The following TIMP2 variants were observed in gnomAD, a reference collection of about 807,000 sequenced individuals.
TIMP2 encodes the protein metalloproteinase inhibitor 2.
TIMP2 carries 5 observed loss-of-function variants against 24.3 expected under a neutral mutation model. That is an observed-to-expected ratio of 0.21 (90% CI 0.11 to 0.43). The LOEUF is 0.43. TIMP2 is among the 20% of genes least tolerant of loss of function. TIMP2 has a pLI of 1.00. For missense variants in TIMP2, 221 were observed against 297.5 expected, an observed-to-expected ratio of 0.74 and a Z score of 1.89; for synonymous variants, 130 against 123.2, an observed-to-expected ratio of 1.06 and a Z score of -0.37.
intron 3 of TIMP2, among the ~76,000 whole-genome samples, chr17:78,868,225 G>C (rs2069635551): frequency 6.6e-6 from 1 of 152,020 alleles, no homozygotes; most frequent in Admixed American, 6.6e-5. Flanking sequence ...TACCAGGCTA[G>C]GGGAATTGTC....
chr17:78,905,935 T>C (rs2070154653), intron 1 of TIMP2, among the ~76,000 whole-genome samples: 1 of 152,352 alleles, frequency 6.6e-6, no homozygotes, highest in East Asian at 1.9e-4. Context: ...AAAGTGAATA[T>C]TGAAATAAAG....
intron 1 of TIMP2, among the ~76,000 whole-genome samples, chr17:78,918,067 C>CAA (rs1310268125): frequency 5.2e-5 from 6 of 115,654 alleles, no homozygotes; most frequent in African/African-American, 2.6e-4. Flanking sequence ...CACACACAAA[C>CAA]ACACACACAC....
intron 1 of TIMP2, among the ~76,000 whole-genome samples, chr17:78,895,139 G>A (rs2069978755): frequency 6.6e-6 from 1 of 152,052 alleles, no homozygotes; most frequent in South Asian, 2.1e-4. Flanking sequence ...AAATTAGCCG[G>A]GTGTGGTGGT....
intron 4 of TIMP2, 193 bp downstream of exon 4, chr17:78,857,329 G>A: frequency 1.4e-6 from 1 of 713,036 alleles, no homozygotes; most frequent in South Asian, 1.9e-5. Context: ...GGGCTCTCCA[G>A]GGACCAGGGG....
Position 78,874,014 on chromosome 17 carries a change from T to TG in TIMP2, c.131-96dup, listed in dbSNP as rs2069707957. The TG allele has an allele frequency of 1.4e-5, 16 of 1,179,016 alleles. No individual in the cohort carries two copies. In the Admixed American group the frequency reaches 2.6e-4, roughly 19 times the overall value. 73.0% of individuals were successfully genotyped at this position (1,179,016 alleles called of 1,614,324 possible). A position where few individuals can be genotyped will look rare whatever the true frequency, so the allele number is the denominator to read the frequency against. On this transcript the variant is annotated intron_variant, in intron 1 of 4. Transcript: ENST00000262768. Reference sequence around the variant, plus strand: ...AGACGTCCAGGCCTGCGGGAGGTGCTGGGGGGTTACAGACAGCAGCAAGGT... The same window carrying TG: ...AGACGTCCAGGCCTGCGGGAGGTGCTGGGGGGGTTACAGACAGCAGCAAGGT...
intron 1 of TIMP2, chr17:78,903,178 C>G (rs992494994): frequency 2.6e-5 from 4 of 152,664 alleles, no homozygotes; most frequent in Non-Finnish European, 5.9e-5. Context: ...TGCAGCCCGG[C>G]CTCTGCCCTG....
In TIMP2 at chr17:78,855,464, G is replaced by A. The variant is rs1195871387; in HGVS notation, c.*203C>T. The A allele has an allele frequency of 8.0e-6, 5 of 624,024 alleles. No individual in the cohort carries two copies. In the African/African-American group the frequency reaches 9.2e-5, roughly 11 times the overall value. The allele number at this position is 624,024 out of a possible 1,614,324, so 38.7% of individuals were successfully genotyped here. ...ACATAGTGCCTGGCAGAGGGAGGATGGGATGAGGACCTTGGACCCACGTCT... is the reference window on the plus strand; with the variant it reads ...ACATAGTGCCTGGCAGAGGGAGGATAGGATGAGGACCTTGGACCCACGTCT... On this transcript the variant is annotated 3_prime_UTR_variant, in exon 5 of 5. Transcript: ENST00000262768. The surrounding 1 kb of genome is among the most constrained non-coding windows in gnomAD (Gnocchi z 6.0).
At chr17:78,883,315 G>A (rs934083396) in intron 1 of TIMP2, among the ~76,000 whole-genome samples, 2 of 152,230 alleles carry the variant, frequency 1.3e-5, no homozygotes, top group Non-Finnish European at 2.9e-5. Flanking sequence ...GTTTGTGGGT[G>A]GCTGGGACAG....
intron 1 of TIMP2, chr17:78,901,373 C>T (rs74706050): frequency 0.046 from 10,364 of 226,762 alleles, 459 homozygotes; most frequent in African/African-American, 0.13. Context: ...AGGAGATGCA[C>T]GGGCTGAAGA....
At position 78,916,431 on chromosome 17, in the gene TIMP2, T is replaced by C. The variant is rs183268002; in HGVS notation, c.130+8528A>G. 3.3e-3 allele frequency among the ~76,000 whole-genome samples: 508 copies of C among 152,270 alleles called. 2 individuals carry two copies. Among genetic ancestry groups the C allele is most frequent in the African/African-American group, 0.012 (483 of 41,556 alleles). ...TCAAATCCCTCTCGCCGAGACTTTC[T>C]GGTCACCAGATTCCAGCAGAACTCA... On this transcript the variant is annotated intron_variant, in intron 1 of 4. Transcript: ENST00000262768.
At chr17:78,860,684 TG>T (rs2069560753) in intron 3 of TIMP2, among the ~76,000 whole-genome samples, 1 of 152,232 alleles carries the variant, frequency 6.6e-6, no homozygotes, top group Non-Finnish European at 1.5e-5. Context: ...GAATTACTCC[TG>T]TAACATTTAT....
chr17:78,907,594 G>C (rs1425248426), intron 1 of TIMP2, among the ~76,000 whole-genome samples: 3 of 152,166 alleles, frequency 2.0e-5, no homozygotes, highest in Admixed American at 6.5e-5. Context: ...GAAAAAGTTT[G>C]AAATATTGCA....
chr17:78,901,337 C>T lies in TIMP2; in HGVS notation c.130+23622G>A, dbSNP rs148627033. 432 of 167,142 alleles carry T rather than the reference C, an allele frequency of 2.6e-3. 2 individuals carry two copies. Among genetic ancestry groups the T allele is most frequent in the East Asian group, 5.2e-3 (29 of 5,624 alleles). The allele number at this position is 167,142 out of a possible 1,614,324, so 10.4% of individuals were successfully genotyped here. Reference sequence around the variant, plus strand: ...CCGTGATGAAATGATCAGGAATAAACCTGTCCAGAACTGTTCAAGACCTAA... The same window carrying T: ...CCGTGATGAAATGATCAGGAATAAATCTGTCCAGAACTGTTCAAGACCTAA... On this transcript the variant is annotated intron_variant, in intron 1 of 4. Transcript: ENST00000262768.
chr17:78,859,090 T>A (rs891156191), intron 3 of TIMP2, among the ~76,000 whole-genome samples: 1 of 152,190 alleles, frequency 6.6e-6, no homozygotes, highest in Non-Finnish European at 1.5e-5. Context: ...GCTTCTCCCA[T>A]TTGAGTTTAA....
intron 1 of TIMP2, among the ~76,000 whole-genome samples, chr17:78,916,924 G>C (rs1409113592): frequency 2.0e-5 from 3 of 152,174 alleles, no homozygotes; most frequent in Non-Finnish European, 4.4e-5. Context: ...CCACCCCTCA[G>C]GGCCCACAAT....
intron 1 of TIMP2, among the ~76,000 whole-genome samples, chr17:78,884,742 G>A (rs899187385): frequency 2.0e-5 from 3 of 152,190 alleles, no homozygotes; most frequent in African/African-American, 4.8e-5. Context: ...CCTCCGCCCC[G>A]TGTCTTCTTG....
rs771463708 is a variant in TIMP2, at chr17:78,902,383, C to T, written c.130+22576G>A. 1.1e-3 allele frequency among the ~76,000 whole-genome samples: 173 copies of T among 152,338 alleles called. 1 individual carries two copies. The highest frequency in any genetic ancestry group is 6.8e-3 in the Middle Eastern group (2 of 294). On this transcript the variant is annotated intron_variant, in intron 1 of 4. Transcript: ENST00000262768. Reference sequence around the variant, plus strand: ...TCGGCCTCCCAAAGTGCTGGGATTCCAGGCATGAGCCACCATGCCCAGCCT... The same window carrying T: ...TCGGCCTCCCAAAGTGCTGGGATTCTAGGCATGAGCCACCATGCCCAGCCT...
intron 3 of TIMP2, among the ~76,000 whole-genome samples, chr17:78,865,807 C>G (rs1022532583): frequency 4.6e-5 from 7 of 152,124 alleles, no homozygotes; most frequent in Admixed American, 1.3e-4. Flanking sequence ...AAAACAAAAA[C>G]AAACAGAGAG....
chr17:78,866,569 G>A (rs2069619491), intron 3 of TIMP2, among the ~76,000 whole-genome samples: 1 of 145,364 alleles, frequency 6.9e-6, no homozygotes, highest in Admixed American at 7.2e-5. Context: ...ATGAGAACAG[G>A]TCCCTGCAAA....
Sources: allele counts gnomAD v4.1 joint callset (sites outside exome capture counted in the v4.1 genomes callset), GRCh38; gene constraint gnomAD v4.1.1; non-coding constraint Gnocchi (gnomAD v3.1); transcripts MANE v1.5; gene names NCBI Gene and HGNC (gene_info 2026-07-23, HGNC 2026-07-21).